Variants in RGS6 observed in about 807,000 individuals in gnomAD.
RGS6 encodes the protein regulator of G-protein signaling 6.
Under a neutral mutation model 78.5 loss-of-function variants are expected in RGS6, and 30 were observed. The ratio of observed to expected loss-of-function variants is 0.38; its 90% CI spans 0.29 to 0.52. RGS6 has a LOEUF of 0.52. Among genes scored for constraint, RGS6 ranks in the 20% least tolerant of loss-of-function variants. The pLI, the probability that RGS6 is intolerant of heterozygous loss-of-function variation, is 0.85. For synonymous variants in RGS6, 206 were observed against 206.0 expected (o/e 1.00, Z 0.00); for missense variants, 495 against 609.7 (o/e 0.81, Z 1.98).
At chr14:72,337,899 G>T (rs1210987928) in intron 2 of RGS6, among the ~76,000 whole-genome samples, 2 of 152,184 alleles carry the variant, frequency 1.3e-5, no homozygotes, top group Non-Finnish European at 2.9e-5. Context: ...TTTCTTCTTA[G>T]ATTAAAATCA....
the RGS6 span, among the ~76,000 whole-genome samples, chr14:72,614,390 G>A: frequency 5.3e-5 from 8 of 152,146 alleles, no homozygotes; most frequent in African/African-American, 9.7e-5. Flanking sequence ...ATTTCAAAAC[G>A]GGCAACACAC....
At chr14:72,204,423 A>G (rs1166959731) in intron 2 of RGS6, among the ~76,000 whole-genome samples, 1 of 152,212 alleles carries the variant, frequency 6.6e-6, no homozygotes, top group African/African-American at 2.4e-5. Context: ...CATACAGGCT[A>G]TGTGACCTTA....
At chr14:72,592,497 A>C in the RGS6 span, among the ~76,000 whole-genome samples, 2 of 152,262 alleles carry the variant, frequency 1.3e-5, no homozygotes, top group Non-Finnish European at 2.9e-5. Flanking sequence ...ATGACATTCC[A>C]ATGTGCCAGA....
the RGS6 span, among the ~76,000 whole-genome samples, chr14:72,587,644 G>T: frequency 6.6e-6 from 1 of 152,168 alleles, no homozygotes. Context: ...CAGATGTGAT[G>T]AACTTAAGCC....
At chr14:72,189,904 A>G (rs1430440472) in intron 2 of RGS6, among the ~76,000 whole-genome samples, 1 of 152,196 alleles carries the variant, frequency 6.6e-6, no homozygotes, top group Non-Finnish European at 1.5e-5. Context: ...TACATGGGAT[A>G]TAGGGCCTCG....
At position 72,475,525 on chromosome 14, in the gene RGS6, T is replaced by C. The variant is rs544490863; in HGVS notation, c.693+826T>C. 3.2e-4 allele frequency among the ~76,000 whole-genome samples: 48 copies of C among 151,894 alleles called. 1 individual carries two copies. Among genetic ancestry groups the C allele is most frequent in the South Asian group, 1.0e-3 (5 of 4,800 alleles). ...TGGGCGGATCACCTGAGGTCGGGAGTTCAAGACCAGCTTGACCAACATGGA... is the reference window on the plus strand; with the variant it reads ...TGGGCGGATCACCTGAGGTCGGGAGCTCAAGACCAGCTTGACCAACATGGA... On this transcript the variant is annotated intron_variant, in intron 10 of 17. Coordinates refer to ENST00000553525, the MANE Select transcript of RGS6 (RefSeq NM_001204424.2).
chr14:72,468,253 C>T (rs1028775909), intron 7 of RGS6, among the ~76,000 whole-genome samples: 1 of 152,162 alleles, frequency 6.6e-6, no homozygotes, highest in African/African-American at 2.4e-5. Flanking sequence ...GTGGCACACG[C>T]CTGTAGATCC....
At position 72,159,143 on chromosome 14, in the gene RGS6, C is replaced by A. The variant is rs186774993; in HGVS notation, c.85-192952C>A. Among the ~76,000 whole-genome samples, 231 of 152,258 alleles carry A rather than the reference C, an allele frequency of 1.5e-3. 1 individual carries two copies. The highest frequency in any genetic ancestry group is 0.014 in the Middle Eastern group (4 of 294). On this transcript the variant is annotated intron_variant, in intron 2 of 17. Coordinates refer to ENST00000553525, the MANE Select transcript of RGS6 (RefSeq NM_001204424.2). The stretch of plus-strand genomic sequence containing the variant: ...CATTCCTATCTGCTTTCTTCTTTGC[C>A]CTTGTAGCAGCCCTGTGGAGTAGAA...
chr14:72,265,170 G>GA (rs2058826529), intron 2 of RGS6, among the ~76,000 whole-genome samples: 1 of 152,176 alleles, frequency 6.6e-6, no homozygotes, highest in African/African-American at 2.4e-5. Flanking sequence ...GTCCTAATTT[G>GA]AAAAACACTT....
intron 2 of RGS6, among the ~76,000 whole-genome samples, chr14:72,048,995 A>G (rs985606728): frequency 7.2e-5 from 11 of 152,214 alleles, no homozygotes; most frequent in Non-Finnish European, 1.5e-4. Context: ...GATGATTTGT[A>G]AACAATTTCC....
the RGS6 span, among the ~76,000 whole-genome samples, chr14:72,601,938 A>T: frequency 6.6e-6 from 1 of 152,308 alleles, no homozygotes; most frequent in Non-Finnish European, 1.5e-5. Flanking sequence ...CTCTCATAGC[A>T]CAGTGTCTGG....
the RGS6 span, among the ~76,000 whole-genome samples, chr14:71,925,961 G>A: frequency 6.6e-6 from 1 of 151,968 alleles, no homozygotes; most frequent in South Asian, 2.1e-4. Context: ...AACCAAGGAG[G>A]TAAAAGATCT....
chr14:72,167,960 G>A (rs1481513962), intron 2 of RGS6, among the ~76,000 whole-genome samples: 1 of 152,178 alleles, frequency 6.6e-6, no homozygotes, highest in East Asian at 1.9e-4. Context: ...GCTGAATAGT[G>A]GGGAGGTCTC....
intron 15 of RGS6, among the ~76,000 whole-genome samples, chr14:72,530,696 A>C (rs1567063469): frequency 6.6e-6 from 1 of 152,206 alleles, no homozygotes; most frequent in Non-Finnish European, 1.5e-5. Context: ...CATCTCAAAA[A>C]GAAAATGTTA....
chr14:71,977,048 C>A (rs1341222151), intron 2 of RGS6, among the ~76,000 whole-genome samples: 1 of 121,228 alleles, frequency 8.2e-6, no homozygotes, highest in Non-Finnish European at 1.8e-5. Context: ...CTTTTGGCTG[C>A]ATAAATGTCG....
At chr14:72,542,363 G>GAACT (rs1435664522) in intron 17 of RGS6, among the ~76,000 whole-genome samples, 1 of 152,212 alleles carries the variant, frequency 6.6e-6, no homozygotes, top group African/African-American at 2.4e-5. Flanking sequence ...TCATCAAACA[G>GAACT]AACTAACTAA....
chr14:72,134,907 T>C (rs1045087484), intron 2 of RGS6, among the ~76,000 whole-genome samples: 7 of 152,130 alleles, frequency 4.6e-5, no homozygotes, highest in Admixed American at 3.9e-4. Flanking sequence ...CCTCAACAGA[T>C]TGGGTGGTGT....
intron 3 of RGS6, among the ~76,000 whole-genome samples, chr14:72,439,424 T>C (rs1163465916): frequency 6.6e-6 from 1 of 152,146 alleles, no homozygotes; most frequent in Non-Finnish European, 1.5e-5. Context: ...AAACGAGAGG[T>C]GATGCGTGTG....
intron 2 of RGS6, among the ~76,000 whole-genome samples, chr14:72,298,448 T>G (rs1156454936): frequency 1.2e-5 from 1 of 80,028 alleles, no homozygotes; most frequent in African/African-American, 1.1e-4. Flanking sequence ...TTTTTTTTTT[T>G]TTTTTTTCCC....
Sources: allele counts gnomAD v4.1 joint callset (sites outside exome capture counted in the v4.1 genomes callset), GRCh38; gene constraint gnomAD v4.1.1; transcripts MANE v1.5; gene names NCBI Gene and HGNC (gene_info 2026-07-23, HGNC 2026-07-21).